GXYLT2: variants seen among roughly 807,000 people sequenced by gnomAD.
The protein encoded by GXYLT2 is glucoside xylosyltransferase 2.
In GXYLT2, 53 loss-of-function variants were observed where a neutral mutation model predicts 45.8. The ratio of observed to expected loss-of-function variants is 1.16; its 90% confidence interval spans 0.93 to 1.46. The LOEUF is 1.46. Among genes scored for constraint, GXYLT2 ranks in the 40% most tolerant of loss-of-function variants. GXYLT2 has a pLI of 0.00. For synonymous variants in GXYLT2, 219 were observed against 214.2 expected, an observed-to-expected ratio of 1.02 and a Z score of -0.19; for missense variants, 551 against 544.4, an observed-to-expected ratio of 1.01 and a Z score of -0.12.
intron 3 of GXYLT2, among the ~76,000 whole-genome samples, chr3:72,948,369 T>C (rs950478709): frequency 6.6e-6 from 1 of 152,154 alleles, no homozygotes; most frequent in African/African-American, 2.4e-5. Flanking sequence ...TCCTGGGCCA[T>C]AAAACAAGTC....
rs569607352 is a variant in GXYLT2 at position 72,967,674 on chromosome 3, C to G, written c.1104C>G (p.Asp368Glu). ...VLHGNRGVYH[D>E]DKQPTFRALY... ...ATGGAAACCGAGGCGTCTACCATGACGATAAGCAACCAACGTTCAGAGCAC... is the reference window on the plus strand; with the variant it reads ...ATGGAAACCGAGGCGTCTACCATGAGGATAAGCAACCAACGTTCAGAGCAC... The change falls in exon 6 of 7, where the codon GAC becomes GAG. Residue 368 changes from aspartate to glutamate, a missense_variant. Asp to Glu is a conservative substitution (Grantham distance 45). Coordinates refer to ENST00000389617, the MANE Select transcript of GXYLT2 (RefSeq NM_001080393.2). 9.3e-6 allele frequency: 15 copies of G among 1,613,902 alleles called. No individual in the cohort carries two copies. Among genetic ancestry groups the G allele is most frequent in the Non-Finnish European group, 1.3e-5 (15 of 1,179,844 alleles).
chr3:72,939,141 A>G (rs1710247750), intron 3 of GXYLT2, among the ~76,000 whole-genome samples: 2 of 152,248 alleles, frequency 1.3e-5, no homozygotes, highest in South Asian at 4.1e-4. Context: ...AAAATGAGCA[A>G]TCTTAAAATC....
chr3:72,912,082 C>G (rs1709641459), intron 2 of GXYLT2, among the ~76,000 whole-genome samples: 1 of 147,520 alleles, frequency 6.8e-6, no homozygotes, highest in South Asian at 2.1e-4. Flanking sequence ...ATGATCTTAG[C>G]TCACAGCATT....
chr3:72,952,824 C>T (rs1710552109), intron 3 of GXYLT2, among the ~76,000 whole-genome samples: 1 of 152,078 alleles, frequency 6.6e-6, no homozygotes, highest in Non-Finnish European at 1.5e-5. Flanking sequence ...CCAAAGGCCC[C>T]TTTCCAAAAG....
chr3:72,969,027 C>T (rs1010003506), intron 6 of GXYLT2, among the ~76,000 whole-genome samples: 9 of 151,464 alleles, frequency 5.9e-5, no homozygotes, highest in East Asian at 1.9e-4. Context: ...GCTGAGATGG[C>T]GCCACTGCAC....
At chr3:72,929,523 G>C in intron 3 of GXYLT2, 1 of 1,260,954 alleles carries the variant, frequency 7.9e-7, no homozygotes, top group Non-Finnish European at 1.1e-6. Flanking sequence ...GTGCAAGATG[G>C]GAGCACCCGA....
intron 5 of GXYLT2, among the ~76,000 whole-genome samples, chr3:72,960,892 T>C (rs1227854199): frequency 1.3e-5 from 2 of 152,234 alleles, no homozygotes; most frequent in Admixed American, 1.3e-4. Flanking sequence ...ATTGTTATGG[T>C]TCTTCAGGTT....
chr3:72,904,318 G>A (rs552802982), intron 1 of GXYLT2, among the ~76,000 whole-genome samples: 65 of 152,320 alleles, frequency 4.3e-4, no homozygotes, highest in African/African-American at 1.5e-3. Flanking sequence ...CTGGTGAAAG[G>A]CACACCGTGC....
At chr3:72,958,479 T>C (rs1710693130) in intron 5 of GXYLT2, among the ~76,000 whole-genome samples, 1 of 152,006 alleles carries the variant, frequency 6.6e-6, no homozygotes, top group African/African-American at 2.4e-5. Context: ...AAAAAAATTC[T>C]GGAATAAAAC....
At chr3:72,909,805 G>A (rs969700629) in intron 2 of GXYLT2, among the ~76,000 whole-genome samples, 2 of 152,158 alleles carry the variant, frequency 1.3e-5, no homozygotes, top group South Asian at 2.1e-4. Context: ...GTGGCAGAGC[G>A]AGAAGCTGGT....
intron 2 of GXYLT2, 60 bp from the exon 3 acceptor site, chr3:72,922,144 A>G (rs1709842501): frequency 1.3e-6 from 2 of 1,511,770 alleles, no homozygotes; most frequent in Non-Finnish European, 1.8e-6. Flanking sequence ...GAAGCTTCGC[A>G]GGCATTTTCC....
intron 1 of GXYLT2, among the ~76,000 whole-genome samples, chr3:72,903,385 G>C (rs528590831): frequency 4.6e-5 from 7 of 152,320 alleles, no homozygotes; most frequent in African/African-American, 1.7e-4. Context: ...TTTCTTGAAA[G>C]GATCATAGAT....
chr3:72,923,552 G>C (rs754504963), intron 3 of GXYLT2, among the ~76,000 whole-genome samples: 12 of 152,186 alleles, frequency 7.9e-5, no homozygotes, highest in Non-Finnish European at 1.3e-4. Flanking sequence ...CTTAATTTTT[G>C]TGAGGGATTC....
At chr3:72,899,818 C>T (rs1709367473) in intron 1 of GXYLT2, among the ~76,000 whole-genome samples, 2 of 152,172 alleles carry the variant, frequency 1.3e-5, no homozygotes, top group African/African-American at 4.8e-5. Flanking sequence ...GGGGACATCA[C>T]TAATCTATTC....
chr3:72,968,843 C>T (rs558198647), intron 6 of GXYLT2, among the ~76,000 whole-genome samples: 12 of 152,274 alleles, frequency 7.9e-5, no homozygotes, highest in Admixed American at 6.5e-5. Context: ...TGGCGGATCA[C>T]GAGGTCAGGA....
At chr3:72,922,845 A>G (rs1709854043) in intron 3 of GXYLT2, among the ~76,000 whole-genome samples, 1 of 152,188 alleles carries the variant, frequency 6.6e-6, no homozygotes, top group Non-Finnish European at 1.5e-5. Flanking sequence ...TGAGGCCGGC[A>G]TGGCGGCTCA....
At chr3:72,902,943 A>G (rs1709435600) in intron 1 of GXYLT2, among the ~76,000 whole-genome samples, 1 of 152,170 alleles carries the variant, frequency 6.6e-6, no homozygotes, top group South Asian at 2.1e-4. Flanking sequence ...AACCTGGGAG[A>G]TAGAGTTGCA....
At chr3:72,960,106 C>T (rs1032381444) in intron 5 of GXYLT2, among the ~76,000 whole-genome samples, 4 of 152,168 alleles carry the variant, frequency 2.6e-5, no homozygotes, top group African/African-American at 4.8e-5. Context: ...CCACCACACC[C>T]AGCTAATTTT....
chr3:72,958,891 C>T (rs1710705480), intron 5 of GXYLT2, among the ~76,000 whole-genome samples: 2 of 151,652 alleles, frequency 1.3e-5, no homozygotes, highest in Admixed American at 6.6e-5. Flanking sequence ...CTCCTCCTCC[C>T]AAAGTGCTGG....
Sources: gnomAD v4.1 joint callset for allele counts (sites outside exome capture counted in the v4.1 genomes callset) on GRCh38, gnomAD v4.1.1 for gene constraint, MANE v1.5 for transcripts, NCBI Gene and HGNC (gene_info 2026-07-23, HGNC 2026-07-21) for gene names.